LIPA: variants seen among roughly 807,000 people sequenced by gnomAD.
LIPA encodes the protein lipase A, lysosomal acid type.
Under a neutral mutation model 40.6 loss-of-function variants are expected in LIPA, and 26 were observed. The observed-to-expected ratio is 0.64, with a 90% CI of 0.47 to 0.89. LIPA has a LOEUF of 0.89. Ranked by LOEUF, LIPA falls within the 40% of genes least tolerant of loss-of-function variation. The pLI is 0.00. For synonymous variants in LIPA, 188 were observed against 168.4 expected, an observed-to-expected ratio of 1.12 and a Z score of -0.90; for missense variants, 455 against 479.6, an observed-to-expected ratio of 0.95 and a Z score of 0.48.
Position 89,215,992 on chromosome 10 carries a change from C to G in LIPA, c.912G>C (p.Lys304Asn), listed in dbSNP as rs541939423. The change falls in exon 9 of 10, where the codon AAG becomes AAC. Residue 304 changes from lysine to asparagine, a missense_variant. Physicochemically the swap from Lys to Asn is moderately conservative, Grantham distance 94. Transcript: ENST00000336233. The part of the protein sequence containing the change: ...LHWSQAVKFQ[K>N]FQAFDWGSSA... Reference sequence around the variant, plus strand: ...TGCTTCCCCAGTCAAAGGCTTGAAACTTTTGGAATTTAACAGCCTAAAAAG... The same window carrying G: ...TGCTTCCCCAGTCAAAGGCTTGAAAGTTTTGGAATTTAACAGCCTAAAAAG... 1 of 1,610,874 alleles carries G rather than the reference C, an allele frequency of 6.2e-7. No individual in the cohort carries two copies. The highest frequency in any genetic ancestry group is 8.5e-7 in the Non-Finnish European group (1 of 1,177,034).
intron 2 of LIPA, among the ~76,000 whole-genome samples, chr10:89,388,905 T>C (rs1844226661): frequency 6.6e-6 from 1 of 152,186 alleles, no homozygotes; most frequent in South Asian, 2.1e-4. Flanking sequence ...CTGAGAGGTC[T>C]CTTGAAGTTT....
intron 1 of LIPA, among the ~76,000 whole-genome samples, chr10:89,293,963 G>A (rs1217046271): frequency 6.6e-6 from 1 of 152,176 alleles, no homozygotes; most frequent in African/African-American, 2.4e-5. Flanking sequence ...TAGAATATAA[G>A]CTCCATGAAG....
At chr10:89,397,035 G>A (rs1844354248) in intron 2 of LIPA, among the ~76,000 whole-genome samples, 1 of 152,110 alleles carries the variant, frequency 6.6e-6, no homozygotes, top group East Asian at 1.9e-4. Context: ...AAATAGGGTC[G>A]TGTTTTGGAC....
chr10:89,401,410 C>T (rs1490709223), intron 2 of LIPA, among the ~76,000 whole-genome samples: 2 of 151,960 alleles, frequency 1.3e-5, no homozygotes, highest in African/African-American at 4.8e-5. Flanking sequence ...TGTGAGCCAC[C>T]GCACCCAGCC....
intron 2 of LIPA, among the ~76,000 whole-genome samples, chr10:89,377,658 C>G (rs1844131553): frequency 6.6e-6 from 1 of 152,186 alleles, no homozygotes; most frequent in African/African-American, 2.4e-5. Flanking sequence ...ACCACTGACC[C>G]TGGTCTAAGG....
chr10:89,393,535 C>A (rs1844289642), intron 2 of LIPA, among the ~76,000 whole-genome samples: 1 of 152,150 alleles, frequency 6.6e-6, no homozygotes, highest in African/African-American at 2.4e-5. Context: ...GAGTTGGAGC[C>A]CATCCTGGCC....
At position 89,339,775 on chromosome 10, in the gene LIPA, T is replaced by C. The variant is rs747887545; in HGVS notation, c.-2+2836A>G. The stretch of plus-strand genomic sequence containing the variant: ...CAACCTTCAGAAATATAATGGGAAG[T>C]CTGAAGACACTGCTGTGCAACATGG... On this transcript the variant is annotated intron_variant, in intron 1 of 5. Coordinates refer to the LIPA transcript ENST00000282673. The C allele has an allele frequency of 1.9e-6, 3 of 1,614,044 alleles. No individual in the cohort carries two copies. The African/African-American group carries it at 4.0e-5, about 22-fold the overall frequency.
chr10:89,321,783 A>G (rs1415873168), intron 1 of LIPA, among the ~76,000 whole-genome samples: 27 of 152,172 alleles, frequency 1.8e-4, no homozygotes, highest in Non-Finnish European at 8.8e-5. Flanking sequence ...TGTTTATTGC[A>G]GCACTATTCA....
intron 1 of LIPA, chr10:89,338,856 C>G (rs147021817): frequency 6.2e-7 from 1 of 1,613,972 alleles, no homozygotes; most frequent in Admixed American, 1.7e-5. Flanking sequence ...ATGGTAACAA[C>G]GAGGCAGCCC....
chr10:89,339,661 G>T, intron 1 of LIPA: 1 of 1,614,162 alleles, frequency 6.2e-7, no homozygotes, highest in Non-Finnish European at 8.5e-7. Context: ...CTCCGATCTC[G>T]CTGAGTTCCT....
rs771022324 is a variant in LIPA at position 89,340,006 on chromosome 10, T to C, written c.-2+2605A>G. ...GGGCCGCCTGCTAAGGGATGCCCCT[T>C]CAGGCATAGGCAGTATTTTCCTGTC... On this transcript the variant is annotated intron_variant, in intron 1 of 5. Coordinates refer to the LIPA transcript ENST00000282673. 46 of 1,614,086 alleles carry C rather than the reference T, an allele frequency of 2.8e-5. No homozygotes were observed. In the Admixed American group the frequency reaches 3.3e-4, roughly 12 times the overall value.
intron 1 of LIPA, chr10:89,283,942 TGAAAACCTC>T (rs1843328107): frequency 6.6e-6 from 1 of 152,282 alleles, no homozygotes. Context: ...TGTGTGCCTT[TGAAAACCTC>T]AAGGTAGATT....
rs187802258 is a variant in LIPA at position 89,373,137 on chromosome 10, T to G, written c.61+39654A>C. 1.7e-3 allele frequency among the ~76,000 whole-genome samples: 256 copies of G among 151,496 alleles called. 5 individuals are homozygous for G. In the East Asian group the frequency reaches 0.043, roughly 25 times the overall value. On this transcript the variant is annotated intron_variant, in intron 2 of 8. Transcript: ENST00000371837. ...TCATGAGGTCAGGAGATCGAGACCA[T>G]CCTGGCTAACACAGTGAAACCCCGT...
chr10:89,266,462 G>C (rs949536519), intron 1 of LIPA, among the ~76,000 whole-genome samples: 2 of 152,156 alleles, frequency 1.3e-5, no homozygotes, highest in African/African-American at 4.8e-5. Context: ...TGCACAAAAT[G>C]ATCTAAAATA....
At position 89,280,188 on chromosome 10, in the gene LIPA, G is replaced by A. The variant is rs372927188; in HGVS notation, c.-1-32539C>T. Among the ~76,000 whole-genome samples, 100 of 152,190 alleles carry A rather than the reference G, an allele frequency of 6.6e-4. 2 individuals are homozygous for A. In the South Asian group the frequency reaches 0.015, roughly 23 times the overall value. On this transcript the variant is annotated intron_variant, in intron 1 of 5. Transcript: ENST00000282673. ...GTGATTAAAGCACATTATGATCCAA[G>A]TTTAACTTCAGACTTTTATTTTGTT... is the stretch of plus-strand genomic sequence containing the variant.
intron 2 of LIPA, among the ~76,000 whole-genome samples, chr10:89,354,824 C>T (rs887535712): frequency 6.6e-6 from 1 of 152,154 alleles, no homozygotes; most frequent in Non-Finnish European, 1.5e-5. Flanking sequence ...CCTCGGCCTC[C>T]CAAAGTGCTG....
chr10:89,240,773 G>C (rs983257750), intron 3 of LIPA, among the ~76,000 whole-genome samples: 1 of 152,036 alleles, frequency 6.6e-6, no homozygotes, highest in African/African-American at 2.4e-5. Context: ...TTGTGTTCGT[G>C]GACTCCTAGG....
chr10:89,269,673 T>G lies in LIPA; in HGVS notation c.-1-22024A>C, dbSNP rs144505904. 2.3e-3 allele frequency among the ~76,000 whole-genome samples: 348 copies of G among 152,354 alleles called. 1 individual carries two copies. The highest frequency in any genetic ancestry group is 8.0e-3 in the African/African-American group (332 of 41,590). On this transcript the variant is annotated intron_variant, in intron 1 of 5. Coordinates refer to the LIPA transcript ENST00000282673. ...TTTGGGGAAATTTAAAGCGATGCGTTGGCAATACAGCAATGCAATTGTAGC... is the reference window on the plus strand; with the variant it reads ...TTTGGGGAAATTTAAAGCGATGCGTGGGCAATACAGCAATGCAATTGTAGC...
At chr10:89,374,407 G>T (rs2133599007) in intron 2 of LIPA, among the ~76,000 whole-genome samples, 1 of 151,994 alleles carries the variant, frequency 6.6e-6, no homozygotes, top group South Asian at 2.1e-4. Context: ...TGTCCTGTGT[G>T]GTTCATGGCT....
Sources: allele counts gnomAD v4.1 joint callset (sites outside exome capture counted in the v4.1 genomes callset), GRCh38; gene constraint gnomAD v4.1.1; transcripts MANE v1.5; gene names NCBI Gene and HGNC (gene_info 2026-07-23, HGNC 2026-07-21).